Variants in PTGFRN observed in about 807,000 individuals in gnomAD.
The protein encoded by PTGFRN is prostaglandin F2 receptor inhibitor, also known as prostaglandin F2 receptor negative regulator.
In PTGFRN, 35 loss-of-function variants were observed where a neutral mutation model predicts 83.2. The observed-to-expected ratio is 0.42, with a 90% confidence interval of 0.32 to 0.56. The LOEUF is 0.56. Among genes scored for constraint, PTGFRN ranks in the 20% least tolerant of loss-of-function variants. The pLI, the probability that PTGFRN is intolerant of heterozygous loss-of-function variation, is 0.11. For missense variants in PTGFRN, 1,051 were observed against 1,179.5 expected, an observed-to-expected ratio of 0.89 and a Z score of 1.60; for synonymous variants, 519 against 498.6, an observed-to-expected ratio of 1.04 and a Z score of -0.55.
chr1:116,964,876 G>A (rs1436744367), intron 5 of PTGFRN, among the ~76,000 whole-genome samples: 9 of 152,194 alleles, frequency 5.9e-5, no homozygotes, highest in Non-Finnish European at 7.3e-5. Flanking sequence ...CATTTATGGC[G>A]CCACCCTTGC....
intron 3 of PTGFRN, among the ~76,000 whole-genome samples, chr1:116,946,926 A>G (rs903588148): frequency 2.6e-5 from 4 of 152,248 alleles, no homozygotes; most frequent in African/African-American, 7.2e-5. Context: ...ATATTTCAGG[A>G]TATCTGCAGC....
chr1:116,911,126 A>C (rs1649262565), intron 1 of PTGFRN, among the ~76,000 whole-genome samples: 1 of 151,306 alleles, frequency 6.6e-6, no homozygotes, highest in South Asian at 2.1e-4. Context: ...GATCCTAGCC[A>C]GCCACGGAAA....
At chr1:116,984,587 C>A in intron 7 of PTGFRN, 93 bp from the exon 8 acceptor site, 1 of 1,240,830 alleles carries the variant, frequency 8.1e-7, no homozygotes, top group Non-Finnish European at 1.1e-6. Flanking sequence ...TTGTGCTTGC[C>A]ATACGTAGTA....
rs1650662342 is a variant in PTGFRN, at chr1:116,961,491, T to C, written c.1462T>C (p.Phe488Leu). ...RSKQRAQDGD[F>L]IFSKEHTDTF... ...CAAGCAGCGGGCCCAGGATGGAGAC[T>C]TTATTTTTTCTAAGGAACATACAGA... The change falls in exon 5 of 9, where the codon TTT (phenylalanine) becomes CTT (leucine). Residue 488 changes from phenylalanine (F) to leucine (L), a missense_variant. By Grantham distance (22) the Phe-to-Leu change is conservative. Around this residue, in one of 3 missense-constraint regions of PTGFRN, gnomAD observed 719 missense variants for 836.6 expected, o/e 0.86. Transcript: ENST00000393203. This position sits in a 1 kb window ranked among gnomAD's most constrained non-coding sequence, Gnocchi z 5.4. 2.5e-6 allele frequency: 4 copies of C among 1,614,158 alleles called. No individual in the cohort carries two copies. The highest frequency in any genetic ancestry group is 3.4e-6 in the Non-Finnish European group (4 of 1,180,016).
chr1:116,986,997 C>T lies in PTGFRN; in HGVS notation c.*30C>T, dbSNP rs750289940. ...GCCCGGGAGGGGAGTGACAGAGGGA[C>T]GTTCTAGGAGCAATTGGGGCAAGAA... On this transcript the variant is annotated 3_prime_UTR_variant, in exon 9 of 9. Transcript: ENST00000393203. 1.5e-5 allele frequency: 25 copies of T among 1,612,924 alleles called. No homozygotes were observed. Among genetic ancestry groups the T allele is most frequent in the South Asian group, 1.4e-4 (13 of 91,022 alleles).
At chr1:116,984,480 A>G (rs1167967913) in intron 7 of PTGFRN, among the ~76,000 whole-genome samples, 200 bp from the exon 8 acceptor site, 1 of 152,152 alleles carries the variant, frequency 6.6e-6, no homozygotes, top group Non-Finnish European at 1.5e-5. Context: ...GACCTTGAGC[A>G]GGTATATAGT....
intron 3 of PTGFRN, among the ~76,000 whole-genome samples, chr1:116,946,440 TC>T (rs1650204556): frequency 6.6e-6 from 1 of 152,206 alleles, no homozygotes; most frequent in Admixed American, 6.5e-5. Context: ...TCAGAAGTGA[TC>T]GCTCTGCAAT....
intron 6 of PTGFRN, among the ~76,000 whole-genome samples, chr1:116,969,237 G>T (rs1217715770): frequency 6.6e-6 from 1 of 151,702 alleles, no homozygotes; most frequent in African/African-American, 2.4e-5. Context: ...TATAGTTTTA[G>T]GTCTTACATT....
chr1:116,957,119 CT>C (rs1650522140), intron 4 of PTGFRN, among the ~76,000 whole-genome samples: 1 of 151,002 alleles, frequency 6.6e-6, no homozygotes, highest in Admixed American at 6.6e-5. Flanking sequence ...CTCTCTCTCT[CT>C]CTCTCTTTCT....
intron 4 of PTGFRN, among the ~76,000 whole-genome samples, chr1:116,950,029 A>G (rs986214519): frequency 4.6e-5 from 7 of 152,134 alleles, no homozygotes; most frequent in African/African-American, 1.7e-4. Flanking sequence ...ACGCCCTGGA[A>G]TCCCACAATA....
At chr1:116,950,253 C>G (rs1040456233) in intron 4 of PTGFRN, among the ~76,000 whole-genome samples, 1 of 152,216 alleles carries the variant, frequency 6.6e-6, no homozygotes, top group African/African-American at 2.4e-5. Context: ...TCCCCTACCT[C>G]TTTTTTCCCT....
intron 1 of PTGFRN, among the ~76,000 whole-genome samples, chr1:116,917,663 G>GCTAT (rs1453652344): frequency 1.3e-5 from 2 of 152,028 alleles, no homozygotes; most frequent in Non-Finnish European, 2.9e-5. Flanking sequence ...AGGGTCTCAC[G>GCTAT]CTATCACCCT....
At chr1:116,972,320 G>T (rs746967372) in intron 6 of PTGFRN, among the ~76,000 whole-genome samples, 3 of 152,180 alleles carry the variant, frequency 2.0e-5, no homozygotes, top group Non-Finnish European at 2.9e-5. Flanking sequence ...GTACGCCCCT[G>T]CTGTTCCCTG....
intron 3 of PTGFRN, among the ~76,000 whole-genome samples, chr1:116,947,138 G>A (rs1002340805): frequency 6.6e-6 from 1 of 152,214 alleles, no homozygotes; most frequent in African/African-American, 2.4e-5. Flanking sequence ...ACACTAGGCT[G>A]ATGGTCCTTC....
chr1:116,927,525 CT>C (rs1171564821), intron 1 of PTGFRN, among the ~76,000 whole-genome samples: 1,459 of 124,356 alleles, frequency 0.012, 14 homozygotes, highest in African/African-American at 0.019. Context: ...CCTTGCTTAC[CT>C]TTTTTTTTTT....
chr1:116,987,075 C>A lies in PTGFRN; in HGVS notation c.*108C>A. 1.5e-6 allele frequency: 2 copies of A among 1,348,162 alleles called. No homozygotes were observed. The highest frequency in any genetic ancestry group is 1.0e-6 in the Non-Finnish European group (1 of 979,240). The allele number at this position is 1,348,162 out of a possible 1,614,324, so 83.5% of individuals were successfully genotyped here. The stretch of plus-strand genomic sequence containing the variant: ...GTGTTACACTAAAAACCAGTCCTCT[C>A]TAATCTCAGGTGGGACTTGGCGCTC... On this transcript the variant is annotated 3_prime_UTR_variant, in exon 9 of 9. Transcript: ENST00000393203.
At chr1:116,948,294 G>A (rs575440136) in intron 3 of PTGFRN, among the ~76,000 whole-genome samples, 26 of 152,254 alleles carry the variant, frequency 1.7e-4, no homozygotes, top group African/African-American at 6.3e-4. Context: ...CTTTGACAGG[G>A]GAATGCTGGA....
At position 116,961,386 on chromosome 1, in the gene PTGFRN, C is replaced by T. The variant is rs747362535; in HGVS notation, c.1357C>T (p.Arg453Trp). The T allele has an allele frequency of 1.4e-5, 22 of 1,611,656 alleles. No homozygotes were observed. Among genetic ancestry groups the T allele is most frequent in the East Asian group, 2.2e-5 (1 of 44,844 alleles). Residue 453 changes from arginine to tryptophan, a missense_variant, in exon 5 of 9, where the codon CGG (arginine) becomes TGG (tryptophan). Around this residue, in one of 3 missense-constraint regions of PTGFRN, gnomAD observed 719 missense variants for 836.6 expected, o/e 0.86. Transcript: ENST00000393203. The surrounding 1 kb of genome is among the most constrained non-coding windows in gnomAD (Gnocchi z 5.4). ...FTVSWYYRMN[R>W]RSDNVVTSEL... ...GGTTTCGTGGTACTACAGGATGAAC[C>T]GGCGCAGCGACAATGTGGTGACCAG...
chr1:116,980,141 A>G (rs865779841), intron 7 of PTGFRN, among the ~76,000 whole-genome samples: 1 of 151,866 alleles, frequency 6.6e-6, no homozygotes, highest in African/African-American at 2.4e-5. Context: ...CATCAGAGAA[A>G]TGCAAATCAA....
Sources: gnomAD v4.1 joint callset for allele counts (sites outside exome capture counted in the v4.1 genomes callset) on GRCh38, gnomAD v4.1.1 for gene constraint, gnomAD v4.1.1 regional missense constraint, Gnocchi (gnomAD v3.1) non-coding constraint, MANE v1.5 for transcripts, NCBI Gene and HGNC (gene_info 2026-07-23, HGNC 2026-07-21) for gene names.